PHAF1: variants seen among roughly 807,000 people sequenced by gnomAD.
PHAF1 encodes the protein phagosome assembly factor 1.
Under a neutral mutation model 63.1 loss-of-function variants are expected in PHAF1, and 23 were observed. That is an observed-to-expected ratio of 0.36 (90% CI 0.26 to 0.52). The LOEUF (loss-of-function observed/expected upper bound fraction) is 0.52. PHAF1 is among the 20% of genes least tolerant of loss of function. The probability of loss-of-function intolerance (pLI) is 0.93; values close to 1 mark genes in which losing one functional copy is unlikely to be tolerated. For missense variants in PHAF1, 427 were observed against 517.2 expected (o/e 0.83, Z 1.69); for synonymous variants, 167 against 185.0 (o/e 0.90, Z 0.79).
chr16:67,123,651 G>A (rs994513019), intron 2 of PHAF1, among the ~76,000 whole-genome samples: 4 of 151,960 alleles, frequency 2.6e-5, no homozygotes, highest in South Asian at 2.1e-4. Flanking sequence ...TAAGCATTCC[G>A]CCTGCCACGA....
chr16:67,133,379 G>A (rs1320149164), intron 6 of PHAF1, among the ~76,000 whole-genome samples: 1 of 151,970 alleles, frequency 6.6e-6, no homozygotes, highest in East Asian at 1.9e-4. Flanking sequence ...AACTGACCGG[G>A]CATGGTGGCT....
intron 2 of PHAF1, among the ~76,000 whole-genome samples, chr16:67,122,999 G>A (rs1963046012): frequency 6.6e-6 from 1 of 151,848 alleles, no homozygotes; most frequent in Non-Finnish European, 1.5e-5. Flanking sequence ...AAAGTGCTCG[G>A]ATTACAAGCA....
At chr16:67,132,053 TC>T (rs1180007441) in intron 4 of PHAF1, 1 of 162,760 alleles carries the variant, frequency 6.1e-6, no homozygotes, top group Non-Finnish European at 1.3e-5. Context: ...AGGACCTGAT[TC>T]CTGGGGCAGG....
intron 2 of PHAF1, among the ~76,000 whole-genome samples, chr16:67,122,153 G>A (rs1158731756): frequency 6.6e-6 from 1 of 151,964 alleles, no homozygotes; most frequent in Non-Finnish European, 1.5e-5. Context: ...TCCCACCTCA[G>A]CCTCCCAAAG....
chr16:67,120,067 G>A, intron 1 of PHAF1, 45 bp from the exon 2 acceptor site: 3 of 1,564,046 alleles, frequency 1.9e-6, no homozygotes, highest in Non-Finnish European at 2.6e-6. Context: ...GATGTCAATA[G>A]ATGGATAGCC....
chr16:67,129,668 C>G (rs529480475), intron 3 of PHAF1, among the ~76,000 whole-genome samples: 87 of 152,334 alleles, frequency 5.7e-4, no homozygotes, highest in South Asian at 4.1e-3. Flanking sequence ...GCAAAACCTC[C>G]CAGCTGGAGG....
In PHAF1 at chr16:67,144,331, A is replaced by C. The variant is rs1567655512; in HGVS notation, c.917A>C (p.Lys306Thr). 6.2e-7 allele frequency: 1 copy of C among 1,612,532 alleles called. No individual in the cohort carries two copies. The highest frequency in any genetic ancestry group is 8.5e-7 in the Non-Finnish European group (1 of 1,178,514). The change falls in exon 11 of 16, where the codon AAG becomes ACG. Residue 306 changes from lysine to threonine, a missense_variant. By Grantham distance (78) the Lys-to-Thr change is moderately conservative. Transcript: ENST00000219139. ...LFDANTHKVK[K>T]FVLHTNYPGH... ...GATGCGAATACACACAAAGTGAAGA[A>C]GTTTGTTCTACACACCAATTACCCT...
chr16:67,137,604 C>T (rs540391712), intron 8 of PHAF1, among the ~76,000 whole-genome samples: 1 of 152,310 alleles, frequency 6.6e-6, no homozygotes, highest in Admixed American at 6.5e-5. Flanking sequence ...CAGGTGTGAG[C>T]CACCGCACCC....
At chr16:67,122,390 A>G (rs558309717) in intron 2 of PHAF1, among the ~76,000 whole-genome samples, 1 of 152,228 alleles carries the variant, frequency 6.6e-6, no homozygotes, top group Admixed American at 6.5e-5. Flanking sequence ...AGGCAGGAAG[A>G]TTGCTTGAGT....
At chr16:67,139,623 A>G (rs1963731154) in intron 8 of PHAF1, 1 of 197,434 alleles carries the variant, frequency 5.1e-6, no homozygotes, top group Non-Finnish European at 1.0e-5. Flanking sequence ...TGCTGGGATT[A>G]TAGGCGTGAG....
intron 2 of PHAF1, among the ~76,000 whole-genome samples, chr16:67,124,591 A>C (rs1963107455): frequency 6.6e-6 from 1 of 152,210 alleles, no homozygotes; most frequent in South Asian, 2.1e-4. Flanking sequence ...CTATAAAGAA[A>C]CTAAACCTTT....
intron 1 of PHAF1, among the ~76,000 whole-genome samples, chr16:67,115,990 G>GA (rs945087606): frequency 2.6e-5 from 4 of 152,036 alleles, no homozygotes; most frequent in African/African-American, 9.7e-5. Context: ...CCGTCTCTTT[G>GA]AAAAAAAGAA....
intron 3 of PHAF1, among the ~76,000 whole-genome samples, chr16:67,130,346 C>CT (rs34430310): frequency 0.12 from 9,161 of 74,962 alleles, 1,713 homozygotes; most frequent in African/African-American, 0.38. Flanking sequence ...CGTGCCCGGC[C>CT]TTTTTTTTTT....
chr16:67,132,659 A>G (rs777723677), intron 5 of PHAF1, 134 bp downstream of exon 5: 3 of 1,222,154 alleles, frequency 2.5e-6, no homozygotes, highest in Non-Finnish European at 3.6e-6. Flanking sequence ...TTGGGTGTGA[A>G]GGAAACATCC....
intron 2 of PHAF1, among the ~76,000 whole-genome samples, chr16:67,125,368 G>T (rs999637992): frequency 3.9e-5 from 6 of 152,094 alleles, no homozygotes; most frequent in African/African-American, 1.2e-4. Flanking sequence ...ATGGGAGGCT[G>T]GGGGGAGAGA....
At chr16:67,127,579 G>A (rs1171837533) in intron 3 of PHAF1, among the ~76,000 whole-genome samples, 2 of 151,966 alleles carry the variant, frequency 1.3e-5, no homozygotes, top group African/African-American at 4.8e-5. Flanking sequence ...GGTGGATCAC[G>A]AGGTCAGGAG....
At chr16:67,115,752 T>C (rs371636960) in intron 1 of PHAF1, among the ~76,000 whole-genome samples, 175 of 152,330 alleles carry the variant, frequency 1.1e-3, no homozygotes, top group African/African-American at 3.8e-3. Context: ...CCAGTCACCA[T>C]GGCTGCTTCG....
intron 4 of PHAF1, chr16:67,132,015 T>C (rs1963421972): frequency 1.3e-5 from 2 of 156,350 alleles, no homozygotes; most frequent in South Asian, 4.0e-4. Context: ...CTTAACTGGC[T>C]TCCCTTTCCC....
rs1319527072 is a variant in PHAF1, at chr16:67,120,073, TA to T, written c.65-38del. ...GAAGTGGTAGATGTCAATAGATGGA[TA>T]GCCAAAATAACCACATAGGTGTCTT... On this transcript the variant is annotated intron_variant, in intron 1 of 15. Transcript: ENST00000219139. The T allele has an allele frequency of 1.9e-6, 3 of 1,579,392 alleles. No homozygotes were observed. In the Admixed American group the frequency reaches 5.1e-5, roughly 27 times the overall value.
Sources: allele counts gnomAD v4.1 joint callset (sites outside exome capture counted in the v4.1 genomes callset), GRCh38; gene constraint gnomAD v4.1.1; transcripts MANE v1.5; gene names NCBI Gene and HGNC (gene_info 2026-07-23, HGNC 2026-07-21).